RANBP2: variants seen among roughly 807,000 people sequenced by gnomAD.
RANBP2 encodes E3 SUMO-protein ligase RanBP2.
Under a neutral mutation model 303.6 loss-of-function variants are expected in RANBP2, and 57 were observed. The observed-to-expected ratio is 0.19, with a 90% CI of 0.15 to 0.23. The LOEUF is 0.23. RANBP2 is among the 10% of genes least tolerant of loss of function. The pLI, the probability that RANBP2 is intolerant of heterozygous loss-of-function variation, is 1.00. For synonymous variants in RANBP2, 1,167 were observed against 1,301.5 expected (o/e 0.90, Z 2.23); for missense variants, 3,138 against 3,780.8 (o/e 0.83, Z 4.46).
the RANBP2 span, among the ~76,000 whole-genome samples, chr2:109,249,585 TTTC>T: frequency 1.4e-4 from 18 of 128,422 alleles, 2 homozygotes; most frequent in Admixed American, 2.4e-4. Context: ...CCTTCCTTCC[TTTC>T]CTTTCTTTCT....
the RANBP2 span, among the ~76,000 whole-genome samples, chr2:109,258,572 T>A: frequency 6.6e-6 from 1 of 152,150 alleles, no homozygotes; most frequent in Non-Finnish European, 1.5e-5. Context: ...TCACTAGGAA[T>A]CCAGTCAGTC....
chr2:109,664,331 C>A, the RANBP2 span, among the ~76,000 whole-genome samples: 774 of 152,296 alleles, frequency 5.1e-3, 3 homozygotes, highest in African/African-American at 0.018. Flanking sequence ...CTTGGCCAGG[C>A]ACAGTGACTC....
the RANBP2 span, among the ~76,000 whole-genome samples, chr2:109,334,764 A>C: frequency 7.9e-6 from 1 of 126,184 alleles, no homozygotes; most frequent in Admixed American, 8.1e-5. Flanking sequence ...AGGCTGCTGA[A>C]GGAGTTTGTT....
chr2:108,974,501 G>C, the RANBP2 span, among the ~76,000 whole-genome samples: 11 of 151,872 alleles, frequency 7.2e-5, no homozygotes, highest in South Asian at 2.1e-4. Context: ...GGAGGCCAAG[G>C]GGGGTGGATC....
chr2:109,295,900 G>C, the RANBP2 span, among the ~76,000 whole-genome samples: 2 of 152,168 alleles, frequency 1.3e-5, no homozygotes, highest in African/African-American at 2.4e-5. Context: ...TAGAGGTGGG[G>C]CTTGAGGACA....
the RANBP2 span, chr2:108,929,466 G>A: frequency 1.2e-5 from 17 of 1,396,272 alleles, no homozygotes; most frequent in African/African-American, 1.8e-4. Context: ...GCAGTGACGT[G>A]CCAGCTGTCT....
chr2:109,146,049 G>A, the RANBP2 span, among the ~76,000 whole-genome samples: 5 of 132,700 alleles, frequency 3.8e-5, no homozygotes, highest in African/African-American at 8.4e-5. Flanking sequence ...CATGCGGGCC[G>A]AGGGAGTCCA....
At chr2:109,132,209 A>G in the RANBP2 span, among the ~76,000 whole-genome samples, 1 of 152,208 alleles carries the variant, frequency 6.6e-6, no homozygotes, top group Non-Finnish European at 1.5e-5. Context: ...TCATTTTCCA[A>G]TTAGAAGCTC....
the RANBP2 span, among the ~76,000 whole-genome samples, chr2:108,854,010 A>AATATATAATAAATTTATATTATATATT: frequency 2.0e-5 from 2 of 99,420 alleles, no homozygotes; most frequent in South Asian, 3.1e-4. Flanking sequence ...TATTATATAT[A>AATATATAATAAATTTATATTATATATT]ATATATAATA....
chr2:109,020,104 CTT>C, the RANBP2 span, among the ~76,000 whole-genome samples: 1 of 152,144 alleles, frequency 6.6e-6, no homozygotes, highest in African/African-American at 2.4e-5. Context: ...TGTTCGCTGT[CTT>C]TTATAACACC....
chr2:109,522,353 G>A, the RANBP2 span, among the ~76,000 whole-genome samples: 82 of 151,010 alleles, frequency 5.4e-4, no homozygotes, highest in East Asian at 2.1e-3. Flanking sequence ...GTGCGATGGC[G>A]CAATCTCGGC....
intron 25 of RANBP2, among the ~76,000 whole-genome samples, chr2:108,780,975 C>T (rs1678217510): frequency 6.6e-6 from 1 of 152,060 alleles, no homozygotes; most frequent in Non-Finnish European, 1.5e-5. Flanking sequence ...TCACAAAGTG[C>T]TGGGATTACA....
At chr2:108,850,616 T>C in the RANBP2 span, among the ~76,000 whole-genome samples, 1 of 152,088 alleles carries the variant, frequency 6.6e-6, no homozygotes. Context: ...CACACCCTGC[T>C]AATTTTTTCT....
the RANBP2 span, among the ~76,000 whole-genome samples, chr2:109,271,718 A>C: frequency 6.6e-6 from 1 of 152,216 alleles, no homozygotes; most frequent in South Asian, 2.1e-4. Flanking sequence ...CTGCCAATTC[A>C]CTGCCTGTTT....
At chr2:108,855,011 A>G in the RANBP2 span, among the ~76,000 whole-genome samples, 1 of 152,226 alleles carries the variant, frequency 6.6e-6, no homozygotes, top group African/African-American at 2.4e-5. Flanking sequence ...TAGGGAATAA[A>G]AAGGTTACAT....
chr2:109,557,767 T>C, the RANBP2 span, among the ~76,000 whole-genome samples: 2 of 152,180 alleles, frequency 1.3e-5, no homozygotes, highest in African/African-American at 4.8e-5. Context: ...TTTCTTATCA[T>C]AGATTTATTA....
chr2:109,497,207 C>A, the RANBP2 span, among the ~76,000 whole-genome samples: 1 of 152,184 alleles, frequency 6.6e-6, no homozygotes. Context: ...AGTTTAGTGT[C>A]CAGGGTATAG....
At chr2:109,702,689 C>A in the RANBP2 span, among the ~76,000 whole-genome samples, 2 of 152,180 alleles carry the variant, frequency 1.3e-5, no homozygotes, top group Non-Finnish European at 2.9e-5. Flanking sequence ...TCCTCTGCAA[C>A]ATCGGAGGGT....
chr2:109,448,243 C>T, the RANBP2 span, among the ~76,000 whole-genome samples: 1 of 152,190 alleles, frequency 6.6e-6, no homozygotes, highest in African/African-American at 2.4e-5. Context: ...TGTTTATGAG[C>T]ATTTTACAAC....
Sources: allele counts gnomAD v4.1 joint callset (sites outside exome capture counted in the v4.1 genomes callset), GRCh38; gene constraint gnomAD v4.1.1; transcripts MANE v1.5; gene names NCBI Gene and HGNC (gene_info 2026-07-23, HGNC 2026-07-21).